PHEX: variants seen among roughly 807,000 people sequenced by gnomAD.
PHEX encodes the protein phosphate regulating endopeptidase X-linked.
Under a neutral mutation model 68.0 loss-of-function variants are expected in PHEX, and 16 were observed. The ratio of observed to expected loss-of-function variants is 0.24; its 90% CI spans 0.16 to 0.36. PHEX has a LOEUF of 0.36. Ranked by LOEUF, PHEX falls within the 10% of genes least tolerant of loss-of-function variation. The probability of loss-of-function intolerance (pLI) is 1.00; values close to 1 mark genes in which losing one functional copy is unlikely to be tolerated. For missense variants in PHEX, 480 were observed against 575.5 expected, an observed-to-expected ratio of 0.83 and a Z score of 1.70; for synonymous variants, 208 against 205.1, an observed-to-expected ratio of 1.01 and a Z score of -0.12.
At chrX:22,156,870 C>CT (rs113131613) in intron 12 of PHEX, among the ~76,000 whole-genome samples, 56 of 104,691 alleles carry the variant, frequency 5.3e-4, no homozygotes, top group African/African-American at 1.5e-3. Flanking sequence ...TTCTTTTCAT[C>CT]TTTTTTTTTT....
chrX:22,033,368 G>A (rs912728604), intron 1 of PHEX, among the ~76,000 whole-genome samples: 7 of 105,802 alleles, frequency 6.6e-5, no homozygotes, highest in East Asian at 2.9e-4. Context: ...AAGTGGCTTC[G>A]AGTGGCTGGC....
At chrX:22,233,820 G>A (rs751977803) in intron 20 of PHEX, among the ~76,000 whole-genome samples, 35 of 111,490 alleles carry the variant, frequency 3.1e-4, no homozygotes, top group Non-Finnish European at 5.5e-4. Context: ...CTGTCAATTC[G>A]TCAAAATCAT....
At chrX:22,156,052 A>G (rs1009753085) in intron 12 of PHEX, among the ~76,000 whole-genome samples, 8 of 112,037 alleles carry the variant, frequency 7.1e-5, no homozygotes, top group African/African-American at 1.6e-4. Context: ...GTTTAATGTC[A>G]GGGCCTGTGA....
chrX:22,229,223 G>C (rs1475869497), intron 20 of PHEX, among the ~76,000 whole-genome samples: 1 of 111,949 alleles, frequency 8.9e-6, no homozygotes, highest in African/African-American at 3.2e-5. Flanking sequence ...TTTCTTTATA[G>C]TAGCATGGTT....
intron 9 of PHEX, among the ~76,000 whole-genome samples, chrX:22,100,486 G>C (rs1930365587): frequency 1.8e-5 from 2 of 111,674 alleles, no homozygotes; most frequent in African/African-American, 6.5e-5. Flanking sequence ...TTTAAATTTT[G>C]GTGGTAATTT....
At chrX:22,054,630 A>G (rs1402864947) in intron 3 of PHEX, among the ~76,000 whole-genome samples, 1 of 111,427 alleles carries the variant, frequency 9.0e-6, no homozygotes, top group Non-Finnish European at 1.9e-5. Flanking sequence ...TTCTCAGATC[A>G]TGCTGGCTCT....
intron 11 of PHEX, among the ~76,000 whole-genome samples, chrX:22,123,989 G>A (rs758574645): frequency 6.9e-4 from 75 of 109,217 alleles, no homozygotes; most frequent in Non-Finnish European, 1.1e-3. Context: ...ATGCCACCTC[G>A]CCTGGCTAAT....
intron 3 of PHEX, among the ~76,000 whole-genome samples, chrX:22,059,028 C>T (rs1300579506): frequency 1.8e-5 from 2 of 111,714 alleles, no homozygotes; most frequent in Non-Finnish European, 3.8e-5. Flanking sequence ...TGGTCTTGAA[C>T]ACCTGACCTC....
chrX:22,101,209 C>G (rs1485397061), intron 9 of PHEX, among the ~76,000 whole-genome samples: 1 of 111,617 alleles, frequency 9.0e-6, no homozygotes, highest in East Asian at 2.8e-4. Context: ...AGCCAAATCC[C>G]AAATCTCTTT....
intron 3 of PHEX, among the ~76,000 whole-genome samples, chrX:22,049,863 CA>C (rs1207735763): frequency 7.2e-4 from 70 of 97,120 alleles, no homozygotes; most frequent in South Asian, 2.7e-3. Context: ...AACTCTGTCT[CA>C]AAAAAAAAAA....
chrX:22,163,958 T>C (rs1216208768), intron 12 of PHEX, among the ~76,000 whole-genome samples: 1 of 111,331 alleles, frequency 9.0e-6, no homozygotes, highest in Non-Finnish European at 1.9e-5. Flanking sequence ...GGCTGGGGAG[T>C]GAAGGGCAGA....
At chrX:22,243,781 A>C (rs1486859543) in intron 20 of PHEX, among the ~76,000 whole-genome samples, 2 of 112,332 alleles carry the variant, frequency 1.8e-5, no homozygotes, top group East Asian at 2.8e-4. Flanking sequence ...GCCAGGAAAC[A>C]ACAGATGCTG....
intron 13 of PHEX, among the ~76,000 whole-genome samples, chrX:22,174,564 G>A (rs1432901799): frequency 8.9e-6 from 1 of 112,018 alleles, no homozygotes; most frequent in Non-Finnish European, 1.9e-5. Context: ...CCCAGAAAGT[G>A]TTCTGAGCCC....
intron 20 of PHEX, among the ~76,000 whole-genome samples, chrX:22,242,196 A>G (rs1936237013): frequency 8.9e-6 from 1 of 112,304 alleles, no homozygotes; most frequent in South Asian, 3.7e-4. Flanking sequence ...ATTTCAATAG[A>G]TGCAGAAAAG....
At chrX:22,233,224 C>G (rs1434128959) in intron 20 of PHEX, among the ~76,000 whole-genome samples, 1 of 111,684 alleles carries the variant, frequency 9.0e-6, no homozygotes, top group African/African-American at 3.3e-5. Context: ...CGACCTTTCT[C>G]TCTGGCTCCC....
intron 3 of PHEX, among the ~76,000 whole-genome samples, chrX:22,074,557 T>G (rs183672751): frequency 1.2e-3 from 128 of 110,593 alleles, no homozygotes; most frequent in African/African-American, 3.8e-3. Flanking sequence ...GTTTGGCCCT[T>G]AGGGCATTCA....
chrX:22,167,047 T>A (rs1042370118), intron 12 of PHEX, among the ~76,000 whole-genome samples: 1 of 112,450 alleles, frequency 8.9e-6, no homozygotes, highest in African/African-American at 3.2e-5. Context: ...TCCATTCCTC[T>A]GTTAATAGAC....
intron 15 of PHEX, among the ~76,000 whole-genome samples, chrX:22,205,621 T>G (rs1934684903): frequency 9.3e-6 from 1 of 106,985 alleles, no homozygotes; most frequent in African/African-American, 3.5e-5. Flanking sequence ...TTATAAGTTA[T>G]TAACACATCA....
chrX:22,084,448 GTTTTC>G (rs762365986), intron 5 of PHEX, among the ~76,000 whole-genome samples: 52 of 109,670 alleles, frequency 4.7e-4, no homozygotes, highest in Middle Eastern at 4.8e-3. Context: ...TTGGCTGGTA[GTTTTC>G]TTTTCTCCTT....
Sources: gnomAD v4.1 joint callset for allele counts (sites outside exome capture counted in the v4.1 genomes callset) on GRCh38, gnomAD v4.1.1 for gene constraint, MANE v1.5 for transcripts, NCBI Gene and HGNC (gene_info 2026-07-23, HGNC 2026-07-21) for gene names.